HDAC11: variants seen among roughly 807,000 people sequenced by gnomAD.
HDAC11 encodes histone deacetylase 11.
Under a neutral mutation model 41.1 loss-of-function variants are expected in HDAC11, and 23 were observed. The observed-to-expected ratio is 0.56, with a 90% confidence interval of 0.40 to 0.79. The LOEUF (loss-of-function observed/expected upper bound fraction) is 0.79. Ranked by LOEUF, HDAC11 falls within the 30% of genes least tolerant of loss-of-function variation. The pLI, the probability that HDAC11 is intolerant of heterozygous loss-of-function variation, is 0.00. For synonymous variants in HDAC11, 187 were observed against 186.6 expected (o/e 1.00, Z -0.02); for missense variants, 402 against 477.3 (o/e 0.84, Z 1.47).
intron 8 of HDAC11, 34 bp from the exon 9 acceptor site, chr3:13,504,060 C>G: frequency 1.9e-6 from 3 of 1,600,734 alleles, no homozygotes; most frequent in African/African-American, 1.3e-5. Context: ...TTTCCCTTCT[C>G]TATAAATTGA....
intron 3 of HDAC11, among the ~76,000 whole-genome samples, chr3:13,491,525 G>A (rs1053509225): frequency 5.3e-5 from 8 of 152,122 alleles, no homozygotes; most frequent in Non-Finnish European, 1.0e-4. Flanking sequence ...CCTAAAGCAA[G>A]CAGTGGGCGC....
At position 13,484,772 on chromosome 3, in the gene HDAC11, G is replaced by C. The variant is rs137990035; in HGVS notation, c.252+1208G>C. 2.9e-3 allele frequency among the ~76,000 whole-genome samples: 448 copies of C among 152,354 alleles called. 5 individuals carry two copies. Among genetic ancestry groups the C allele is most frequent in the African/African-American group, 0.011 (438 of 41,586 alleles). ...AACTGGGCACACTGGCTGCCTGCTT[G>C]TGACCTCTTTCCAGAGAAGGACACA... On this transcript the variant is annotated intron_variant, in intron 3 of 9. Coordinates refer to ENST00000295757, the MANE Select transcript of HDAC11 (RefSeq NM_024827.4).
intron 8 of HDAC11, chr3:13,503,240 T>A (rs1702455282): frequency 3.3e-6 from 1 of 305,402 alleles, no homozygotes; most frequent in Admixed American, 4.7e-5. Flanking sequence ...AAAAGAAAAA[T>A]AGGATAAATT....
chr3:13,484,295 CT>C (rs2124999312), intron 3 of HDAC11, among the ~76,000 whole-genome samples: 1 of 152,324 alleles, frequency 6.6e-6, no homozygotes, highest in East Asian at 1.9e-4. Flanking sequence ...GTTTAAGACT[CT>C]GGTCTAAGTA....
chr3:13,481,965 G>A (rs1701340848), intron 2 of HDAC11, among the ~76,000 whole-genome samples: 2 of 152,196 alleles, frequency 1.3e-5, no homozygotes, highest in Admixed American at 1.3e-4. Flanking sequence ...CACCACACCC[G>A]GCCCTGATTT....
chr3:13,486,267 CAAAAAAAAAA>C (rs76727800), intron 3 of HDAC11, among the ~76,000 whole-genome samples: 1 of 65,212 alleles, frequency 1.5e-5, no homozygotes, highest in African/African-American at 6.4e-5. Flanking sequence ...AACTCCATCT[CAAAAAAAAAA>C]AAAAAAAAAA....
intron 3 of HDAC11, among the ~76,000 whole-genome samples, chr3:13,484,970 C>A (rs1327789092): frequency 6.6e-6 from 1 of 152,160 alleles, no homozygotes; most frequent in African/African-American, 2.4e-5. Context: ...AGTGTGGGAG[C>A]CCTGACCCCC....
At chr3:13,503,063 T>TA in intron 8 of HDAC11, 83 bp downstream of exon 8, 2 of 1,012,086 alleles carry the variant, frequency 2.0e-6, no homozygotes, top group Non-Finnish European at 3.1e-6. Flanking sequence ...TGCTAGGCCC[T>TA]GCAGAAGCCA....
intron 3 of HDAC11, 69 bp downstream of exon 3, chr3:13,483,633 G>T (rs1273257354): frequency 7.0e-6 from 9 of 1,287,772 alleles, no homozygotes; most frequent in Non-Finnish European, 6.8e-6. Flanking sequence ...GTGGCCAGAG[G>T]CAGGAGGTGA....
Position 13,505,865 on chromosome 3 carries a change from T to C in HDAC11, c.*1182T>C, listed in dbSNP as rs1196316206. 1.3e-5 allele frequency: 2 copies of C among 152,212 alleles called. No individual in the cohort carries two copies. The highest frequency in any genetic ancestry group is 1.5e-5 in the Non-Finnish European group (1 of 68,064). 9.4% of individuals were successfully genotyped at this position (152,212 alleles called of 1,614,324 possible). Reference sequence around the variant, plus strand: ...GGGACATTCAGGGACCTCCAGGAAGTGGGCGGGGGAGCATCCACCCCTGCT... The same window carrying C: ...GGGACATTCAGGGACCTCCAGGAAGCGGGCGGGGGAGCATCCACCCCTGCT... On this transcript the variant is annotated 3_prime_UTR_variant, in exon 10 of 10. Coordinates refer to ENST00000295757, the MANE Select transcript of HDAC11 (RefSeq NM_024827.4).
At position 13,481,300 on chromosome 3, in the gene HDAC11, G is replaced by A. The variant is rs1356205322; in HGVS notation, c.57G>A (p.Val19=). The change falls in exon 2 of 10, where the codon GTG becomes GTA. Residue 19 remains valine (V), a synonymous_variant. Coordinates refer to ENST00000295757, the MANE Select transcript of HDAC11 (RefSeq NM_024827.4). ...TGCCAGAGACACGCTGGCCAATCGT[G>A]TACTCGCCGCGCTACAACATCACCT... ...QHVPETRWPI[V]YSPRYNITFM... 1 of 1,613,266 alleles carries A rather than the reference G, an allele frequency of 6.2e-7. No individual in the cohort carries two copies. The highest frequency in any genetic ancestry group is 8.5e-7 in the Non-Finnish European group (1 of 1,180,006).
At chr3:13,486,874 TG>T (rs1322714185) in intron 3 of HDAC11, among the ~76,000 whole-genome samples, 2 of 152,158 alleles carry the variant, frequency 1.3e-5, no homozygotes, top group East Asian at 3.9e-4. Context: ...CCACTGCTCC[TG>T]GCCCTCATGT....
intron 3 of HDAC11, among the ~76,000 whole-genome samples, chr3:13,484,427 C>G (rs973513036): frequency 6.6e-6 from 1 of 152,226 alleles, no homozygotes; most frequent in African/African-American, 2.4e-5. Flanking sequence ...AACTCCTGCC[C>G]CTTCCCAAGG....
chr3:13,499,303 G>A (rs1231656004), intron 5 of HDAC11, among the ~76,000 whole-genome samples: 4 of 152,188 alleles, frequency 2.6e-5, no homozygotes, highest in Non-Finnish European at 5.9e-5. Context: ...CTGAGTAGCT[G>A]AGATTACAGG....
chr3:13,486,267 CAAA>C (rs76727800), intron 3 of HDAC11, among the ~76,000 whole-genome samples: 5 of 65,206 alleles, frequency 7.7e-5, no homozygotes, highest in Non-Finnish European at 1.1e-4. Context: ...AACTCCATCT[CAAA>C]AAAAAAAAAA....
chr3:13,492,703 C>A (rs1242933640), intron 3 of HDAC11, among the ~76,000 whole-genome samples: 2 of 152,102 alleles, frequency 1.3e-5, no homozygotes, highest in Admixed American at 1.3e-4. Flanking sequence ...GCCACCATGC[C>A]CGGCTAATTT....
intron 3 of HDAC11, among the ~76,000 whole-genome samples, chr3:13,486,830 C>T (rs1307714497): frequency 7.2e-5 from 11 of 152,120 alleles, no homozygotes; most frequent in Non-Finnish European, 1.0e-4. Flanking sequence ...CCATCTGCCT[C>T]GGCCTCCCAA....
intron 5 of HDAC11, among the ~76,000 whole-genome samples, chr3:13,499,319 A>G (rs1346457964): frequency 6.6e-6 from 1 of 152,044 alleles, no homozygotes; most frequent in Non-Finnish European, 1.5e-5. Flanking sequence ...ACAGGCATGC[A>G]CCACCATGCC....
rs1410172835 is a variant in HDAC11 at position 13,502,604 on chromosome 3, G to A, written c.553-280G>A. On this transcript the variant is annotated intron_variant, in intron 7 of 9. Transcript: ENST00000295757. The surrounding 1 kb of genome is among the most constrained non-coding windows in gnomAD (Gnocchi z 4.1). Reference sequence around the variant, plus strand: ...CTTTTCACATCCCTGATCCCAACCAGTCCCACCACAGACTTGAGAGGGTGG... The same window carrying A: ...CTTTTCACATCCCTGATCCCAACCAATCCCACCACAGACTTGAGAGGGTGG... The A allele has an allele frequency of 1.6e-5, 6 of 378,712 alleles. No individual in the cohort carries two copies. Among genetic ancestry groups the A allele is most frequent in the Admixed American group, 4.1e-5 (1 of 24,180 alleles). The allele number at this position is 378,712 out of a possible 1,614,324, so 23.5% of individuals were successfully genotyped here. A position where few individuals can be genotyped will look rare whatever the true frequency, so the allele number is the denominator to read the frequency against.
Sources: allele counts gnomAD v4.1 joint callset (sites outside exome capture counted in the v4.1 genomes callset), GRCh38; gene constraint gnomAD v4.1.1; non-coding constraint Gnocchi (gnomAD v3.1); transcripts MANE v1.5; gene names NCBI Gene and HGNC (gene_info 2026-07-23, HGNC 2026-07-21).